TBC1D24: variants seen among roughly 807,000 people sequenced by gnomAD.
TBC1D24 encodes the protein Infantile myoclonic epilepsy.
A neutral mutation model predicts 50.7 loss-of-function variants in TBC1D24; 47 were observed. The ratio of observed to expected loss-of-function variants is 0.93; its 90% confidence interval spans 0.73 to 1.18. TBC1D24 has a LOEUF of 1.18. TBC1D24 is among the 50% of genes most tolerant of loss of function. The pLI, the probability that TBC1D24 is intolerant of heterozygous loss-of-function variation, is 0.00. For synonymous variants in TBC1D24, 324 were observed against 335.2 expected, an observed-to-expected ratio of 0.97 and a Z score of 0.36; for missense variants, 688 against 766.5, an observed-to-expected ratio of 0.90 and a Z score of 1.21.
intron 1 of TBC1D24, among the ~76,000 whole-genome samples, chr16:2,494,965 G>A (rs535868893): frequency 1.3e-5 from 2 of 151,534 alleles, no homozygotes; most frequent in African/African-American, 2.4e-5. Flanking sequence ...TGAGGCCTGC[G>A]GTTCAAGGCC....
intron 1 of TBC1D24, among the ~76,000 whole-genome samples, chr16:2,489,380 C>T (rs944076376): frequency 6.6e-5 from 10 of 152,036 alleles, no homozygotes; most frequent in Non-Finnish European, 1.2e-4. Flanking sequence ...TGCAGGGAGC[C>T]GAGATCGCGC....
In TBC1D24 at chr16:2,497,859, T is replaced by C. The variant is rs1007687113; in HGVS notation, c.983+132T>C. 2.1e-5 allele frequency: 19 copies of C among 924,650 alleles called. No individual in the cohort carries two copies. In the African/African-American group the frequency reaches 3.0e-4, roughly 14 times the overall value. 57.3% of individuals were successfully genotyped at this position (924,650 alleles called of 1,614,324 possible). A position where few individuals can be genotyped will look rare whatever the true frequency, so the allele number is the denominator to read the frequency against. ...CAGCAGCGCTGCCTCTGAGCCGGACTGATGCTCAGGCGCCTTCTGTCTGTC... is the reference window on the plus strand; with the variant it reads ...CAGCAGCGCTGCCTCTGAGCCGGACCGATGCTCAGGCGCCTTCTGTCTGTC... On this transcript the variant is annotated intron_variant, in intron 3 of 7. Transcript: ENST00000646147.
chr16:2,495,021 C>T (rs2065725789), intron 1 of TBC1D24, among the ~76,000 whole-genome samples: 2 of 151,654 alleles, frequency 1.3e-5, no homozygotes, highest in Admixed American at 1.3e-4. Flanking sequence ...CACACACACA[C>T]ACACACACAC....
chr16:2,498,865 G>T (rs2065766753), intron 4 of TBC1D24, among the ~76,000 whole-genome samples: 1 of 152,334 alleles, frequency 6.6e-6, no homozygotes. Flanking sequence ...TGACCTGGGG[G>T]TGAGGCAGGC....
chr16:2,499,879 G>T lies in TBC1D24; in HGVS notation c.1251G>T (p.Lys417Asn). ...YLSTDWSERNKFGGKLGFFGT... is the reference protein window; with the variant it reads ...YLSTDWSERNNFGGKLGFFGT... ...CCACAGACTGGAGTGAGAGAAATAA[G>T]TTTGGAGGCAAACTGGGCTTCTTTG... The change falls in exon 6 of 8, where the codon AAG becomes AAT. Residue 417 changes from lysine (K) to asparagine (N), a missense_variant. Transcript: ENST00000646147. The surrounding 1 kb of genome is among the most constrained non-coding windows in gnomAD (Gnocchi z 4.0). 1 of 1,614,120 alleles carries T rather than the reference G, an allele frequency of 6.2e-7. No individual in the cohort carries two copies. The highest frequency in any genetic ancestry group is 8.5e-7 in the Non-Finnish European group (1 of 1,179,994).
Position 2,486,016 on chromosome 16 carries a change from TG to T in TBC1D24, c.-115-10016del, listed in dbSNP as rs1428106726. On this transcript the variant is annotated intron_variant, in intron 1 of 7. Transcript: ENST00000646147. This position sits in a 1 kb window ranked among gnomAD's most constrained non-coding sequence, Gnocchi z 5.8. ...GATCTTGCGGATCTCGCGCCCGGGC[TG>T]GAATGCCTGTGCTGCCCTCCCCTGC... is the stretch of plus-strand genomic sequence containing the variant. Among the ~76,000 whole-genome samples, 2 of 152,158 alleles carry T rather than the reference TG, an allele frequency of 1.3e-5. No homozygotes were observed.
rs2141877364 is a variant in TBC1D24 at position 2,500,439 on chromosome 16, T to A, written c.1474T>A (p.Ser492Thr). 5 of 1,601,100 alleles carry A rather than the reference T, an allele frequency of 3.1e-6. No homozygotes were observed. Among genetic ancestry groups the A allele is most frequent in the Non-Finnish European group, 4.3e-6 (5 of 1,174,572 alleles). The change falls in exon 7 of 8, where the codon TCC becomes ACC. Residue 492 changes from serine (S) to threonine (T), a missense_variant. Transcript: ENST00000646147. This position sits in a 1 kb window ranked among gnomAD's most constrained non-coding sequence, Gnocchi z 8.0. Reference protein sequence around the residue: ...FLAARHFNLPSKTESMFMAGG... With the variant: ...FLAARHFNLPTKTESMFMAGG... The stretch of plus-strand genomic sequence containing the variant: ...GGCCGCTCGCCACTTCAACCTGCCC[T>A]CCAAGACCGAGTCCATGTTCATGGC...
intron 1 of TBC1D24, among the ~76,000 whole-genome samples, chr16:2,488,485 G>A (rs917399624): frequency 3.4e-5 from 5 of 145,702 alleles, no homozygotes; most frequent in South Asian, 2.2e-4. Context: ...TTACTCATTC[G>A]CACATAGCTT....
rs1463630946 is a variant in TBC1D24, at chr16:2,503,762, G to T, written c.*2804G>T. On this transcript the variant is annotated 3_prime_UTR_variant, in exon 8 of 8. Transcript: ENST00000646147. The stretch of plus-strand genomic sequence containing the variant: ...TTTAGTAGAGGCAGGGTTTCACTGT[G>T]TTGGTCAGGCTGGTCTTGAACTCCT... 6.6e-6 allele frequency: 1 copy of T among 151,982 alleles called. No individual in the cohort carries two copies. Among genetic ancestry groups the T allele is most frequent in the Non-Finnish European group, 1.5e-5 (1 of 68,004 alleles). The allele number at this position is 151,982 out of a possible 1,614,324, so 9.4% of individuals were successfully genotyped here.
At position 2,496,276 on chromosome 16, in the gene TBC1D24, A is replaced by C; in HGVS notation, c.128A>C (p.Tyr43Ser). The C allele has an allele frequency of 6.2e-7, 1 of 1,613,734 alleles. No individual in the cohort carries two copies. Among genetic ancestry groups the C allele is most frequent in the Non-Finnish European group, 8.5e-7 (1 of 1,180,018 alleles). The change falls in exon 2 of 8, where the codon TAC becomes TCC. Residue 43 changes from tyrosine to serine, a missense_variant. Physicochemically the swap from Tyr to Ser is moderately radical, Grantham distance 144 (BLOSUM62 -2). Transcript: ENST00000646147. ...CTGAAGCAGCTGGCGCGCCAGGGCT[A>C]CTGGGCCCAAAGCCACGCCCTGCGG... Reference protein sequence around the residue: ...QELKQLARQGYWAQSHALRGK... With the variant: ...QELKQLARQGSWAQSHALRGK...
Position 2,496,123 on chromosome 16 carries a change from G to C in TBC1D24, c.-26G>C, listed in dbSNP as rs766608359. The C allele has an allele frequency of 2.5e-6, 4 of 1,613,100 alleles. No individual in the cohort carries two copies. The highest frequency in any genetic ancestry group is 3.3e-5 in the Admixed American group (2 of 59,996). On this transcript the variant is annotated 5_prime_UTR_variant, in exon 2 of 8. Coordinates refer to ENST00000646147, the MANE Select transcript of TBC1D24 (RefSeq NM_001199107.2). ...CTGTCCTCCCCTTCCGGCAGTCCAG[G>C]GCCTCCTCCCGAGCACAGCGGCGCT...
rs555594392 is a variant in TBC1D24, at chr16:2,482,900, G to C, written c.-116+7730G>C. 1 of 153,394 alleles carries C rather than the reference G, an allele frequency of 6.5e-6. No homozygotes were observed. 9.5% of individuals were successfully genotyped at this position (153,394 alleles called of 1,614,324 possible). A position where few individuals can be genotyped will look rare whatever the true frequency, so the allele number is the denominator to read the frequency against. Reference sequence around the variant, plus strand: ...GCAGCTGGGAGATCTGGCGGCCAGCGCGGCCAGCGGCGGGAGGGCCGGAAG... The same window carrying C: ...GCAGCTGGGAGATCTGGCGGCCAGCCCGGCCAGCGGCGGGAGGGCCGGAAG... On this transcript the variant is annotated intron_variant, in intron 1 of 7. Transcript: ENST00000646147. The surrounding 1 kb of genome is among the most constrained non-coding windows in gnomAD (Gnocchi z 5.2).
chr16:2,500,082 C>T lies in TBC1D24; in HGVS notation c.1302+152C>T. On this transcript the variant is annotated intron_variant, in intron 6 of 7. Transcript: ENST00000646147. The surrounding 1 kb of genome is among the most constrained non-coding windows in gnomAD (Gnocchi z 8.0). ...CTGTGTGCTTCCGGGTTTGATCATT[C>T]AGCCGTGCGCTGCTCCGGGGCAGGG... The T allele has an allele frequency of 1.1e-6, 1 of 947,224 alleles. No individual in the cohort carries two copies. Among genetic ancestry groups the T allele is most frequent in the Non-Finnish European group, 1.7e-6 (1 of 594,046 alleles). 58.7% of individuals were successfully genotyped at this position (947,224 alleles called of 1,614,324 possible). A position where few individuals can be genotyped will look rare whatever the true frequency, so the allele number is the denominator to read the frequency against.
rs1029821090 is a variant in TBC1D24 at position 2,475,228 on chromosome 16, GGTCCCCGCT to G, written c.-116+62_-116+70del. The G allele has an allele frequency of 2.7e-5, 4 of 149,398 alleles. No individual in the cohort carries two copies. The highest frequency in any genetic ancestry group is 1.8e-4 in the South Asian group (1 of 5,510). The allele number at this position is 149,398 out of a possible 1,614,324, so 9.3% of individuals were successfully genotyped here. A position where few individuals can be genotyped will look rare whatever the true frequency, so the allele number is the denominator to read the frequency against. ...GGCGGGGTGGCGGGTGGCGGGGCCGGGTCCCCGCTGTCACCGCGGTCGGCGCGTGCTGGG... is the reference window on the plus strand; with the variant it reads ...GGCGGGGTGGCGGGTGGCGGGGCCGGGTCACCGCGGTCGGCGCGTGCTGGG... On this transcript the variant is annotated intron_variant, in intron 1 of 7. Coordinates refer to ENST00000646147, the MANE Select transcript of TBC1D24 (RefSeq NM_001199107.2). This position sits in a 1 kb window ranked among gnomAD's most constrained non-coding sequence, Gnocchi z 4.2.
Position 2,499,819 on chromosome 16 carries a change from C to T in TBC1D24, c.1207-16C>T. On this transcript the variant is annotated splice_polypyrimidine_tract_variant and intron_variant, in intron 5 of 7. Transcript: ENST00000646147. This position sits in a 1 kb window ranked among gnomAD's most constrained non-coding sequence, Gnocchi z 4.0. Reference sequence around the variant, plus strand: ...GGGGGCCTGCGGGCACAGCCTCACCCAGACCTTTCCCCCAGGTGTGTGGTG... The same window carrying T: ...GGGGGCCTGCGGGCACAGCCTCACCTAGACCTTTCCCCCAGGTGTGTGGTG... 6.2e-7 allele frequency: 1 copy of T among 1,611,566 alleles called. No individual in the cohort carries two copies.
chr16:2,498,137 C>A (rs2065759297), intron 3 of TBC1D24, 101 bp from the exon 4 acceptor site: 2 of 1,466,382 alleles, frequency 1.4e-6, no homozygotes, highest in Non-Finnish European at 1.8e-6. Context: ...CGAGAAGTTC[C>A]CTCTGGGTTT....
chr16:2,498,176 CG>C (rs1567412974), intron 3 of TBC1D24, 61 bp from the exon 4 acceptor site: 2 of 1,541,716 alleles, frequency 1.3e-6, no homozygotes, highest in Non-Finnish European at 8.8e-7. Context: ...GGGCATACCT[CG>C]GGGGGCATGG....
chr16:2,488,588 T>C (rs2141861773), intron 1 of TBC1D24, among the ~76,000 whole-genome samples: 1 of 138,890 alleles, frequency 7.2e-6, no homozygotes, highest in South Asian at 2.4e-4. Context: ...CTCGGCTCAC[T>C]GGAAGCTCTG....
In TBC1D24 at chr16:2,501,280, G is replaced by C. The variant is rs1450800676; in HGVS notation, c.*322G>C. On this transcript the variant is annotated 3_prime_UTR_variant, in exon 8 of 8. Coordinates refer to ENST00000646147, the MANE Select transcript of TBC1D24 (RefSeq NM_001199107.2). ...AAGGCCTTGGGAGTGTCTGGGTCTT[G>C]CTGCCCCTGAGCCTCTCTAGGCAGC... The C allele has an allele frequency of 2.4e-6, 1 of 415,596 alleles. No homozygotes were observed. Among genetic ancestry groups the C allele is most frequent in the Non-Finnish European group, 4.5e-6 (1 of 223,004 alleles). The allele number at this position is 415,596 out of a possible 1,614,324, so 25.7% of individuals were successfully genotyped here.
Sources: allele counts gnomAD v4.1 joint callset (sites outside exome capture counted in the v4.1 genomes callset), GRCh38; gene constraint gnomAD v4.1.1; non-coding constraint Gnocchi (gnomAD v3.1); transcripts MANE v1.5; gene names NCBI Gene and HGNC (gene_info 2026-07-23, HGNC 2026-07-21).